Variants in EXD1 observed in about 807,000 individuals in gnomAD.
EXD1 encodes piRNA biogenesis protein EXD1.
A neutral mutation model predicts 49.1 loss-of-function variants in EXD1; 63 were observed. The observed-to-expected ratio is 1.28, with a 90% CI of 1.05 to 1.58. The LOEUF is 1.58. Among genes scored for constraint, EXD1 ranks in the 40% most tolerant of loss-of-function variants. EXD1 has a pLI of 0.00. For synonymous variants in EXD1, 234 were observed against 239.2 expected (o/e 0.98, Z 0.20); for missense variants, 748 against 666.0 (o/e 1.12, Z -1.36).
rs1303113351 is a variant in EXD1 at position 41,220,049 on chromosome 15, G to C, written c.134-151C>G. 2.7e-5 allele frequency among the ~76,000 whole-genome samples: 4 copies of C among 147,302 alleles called. No individual in the cohort carries two copies. In the East Asian group the frequency reaches 7.9e-4, roughly 29 times the overall value. The stretch of plus-strand genomic sequence containing the variant: ...TCCAAATCTTCCCCCAAGGAATGAA[G>C]AGTCAATAATAAATGACAAAGCTAC... On this transcript the variant is annotated intron_variant, in intron 2 of 11. Transcript: ENST00000458580.
At chr15:41,216,831 T>C (rs1442775873) in intron 4 of EXD1, 36 bp from the exon 5 acceptor site, 1 of 1,608,292 alleles carries the variant, frequency 6.2e-7, no homozygotes, top group Non-Finnish European at 8.5e-7. Flanking sequence ...GGTGAACTTG[T>C]TCTTTGTTGT....
chr15:41,230,575 C>T lies in EXD1; in HGVS notation c.-150G>A. On this transcript the variant is annotated 5_prime_UTR_variant, in exon 1 of 12. Transcript: ENST00000458580. ...CCTAATTTCAGCCAAGTGGTGCGTT[C>T]CTCGAACTTCAGTCTAGAACTAAAA... 6.2e-7 allele frequency: 1 copy of T among 1,612,526 alleles called. No individual in the cohort carries two copies.
intron 1 of EXD1, among the ~76,000 whole-genome samples, chr15:41,228,774 C>T (rs945091317): frequency 6.6e-6 from 1 of 152,100 alleles, no homozygotes; most frequent in Admixed American, 6.6e-5. Flanking sequence ...TCTTGGCTCA[C>T]TGCAACCTCT....
intron 7 of EXD1, among the ~76,000 whole-genome samples, chr15:41,206,185 C>T (rs1310456511): frequency 6.6e-6 from 1 of 151,814 alleles, no homozygotes; most frequent in South Asian, 2.1e-4. Flanking sequence ...ACAGGAAAAT[C>T]CGGGCCAGGG....
At chr15:41,210,233 G>A (rs974522495) in intron 6 of EXD1, among the ~76,000 whole-genome samples, 3 of 152,054 alleles carry the variant, frequency 2.0e-5, no homozygotes, top group Non-Finnish European at 2.9e-5. Context: ...TAATCTTTAA[G>A]ACAAGATTCC....
rs1566980824 is a variant in EXD1, at chr15:41,199,768, T to TATATATCAC, written c.535-3732_535-3731insGTGATATAT. ...TATATTATATATGATACATATATGATATATATGTCATATATTATATAATGT... is the reference window on the plus strand; with the variant it reads ...TATATTATATATGATACATATATGATATATATCACATATATGTCATATATTATATAATGT... On this transcript the variant is annotated intron_variant, in intron 7 of 11. Transcript: ENST00000458580. 1.1e-3 allele frequency among the ~76,000 whole-genome samples: 148 copies of TATATATCAC among 134,026 alleles called. 2 individuals carry two copies. The highest frequency in any genetic ancestry group is 3.9e-3 in the African/African-American group (136 of 35,076). 87.9% of individuals were successfully genotyped at this position (134,026 alleles called of 152,430 possible).
chr15:41,214,596 C>A (rs1260378693), intron 6 of EXD1, among the ~76,000 whole-genome samples: 4 of 152,076 alleles, frequency 2.6e-5, no homozygotes, highest in African/African-American at 7.2e-5. Context: ...GTCTAGAAAG[C>A]CCTAAGTGAA....
intron 7 of EXD1, among the ~76,000 whole-genome samples, chr15:41,196,960 G>T (rs1018334790): frequency 1.3e-5 from 2 of 151,876 alleles, no homozygotes; most frequent in Non-Finnish European, 1.5e-5. Context: ...CAAGTACCTG[G>T]ATTACAGGCA....
chr15:41,227,895 C>T (rs961164258), intron 1 of EXD1, among the ~76,000 whole-genome samples: 38 of 151,892 alleles, frequency 2.5e-4, no homozygotes, highest in African/African-American at 8.2e-4. Flanking sequence ...ACTAAAAACA[C>T]AAAAATTAGC....
intron 7 of EXD1, among the ~76,000 whole-genome samples, chr15:41,197,217 ATTTTCTT>A (rs1413222173): frequency 6.8e-6 from 1 of 147,628 alleles, no homozygotes; most frequent in East Asian, 2.0e-4. Flanking sequence ...AATCACTGTG[ATTTTCTT>A]TTTTCTTTTT....
chr15:41,186,894 CTT>C (rs374021562), intron 11 of EXD1, among the ~76,000 whole-genome samples: 4 of 127,068 alleles, frequency 3.1e-5, no homozygotes, highest in Admixed American at 8.1e-5. Flanking sequence ...TTTTTTTTTT[CTT>C]TTTTTTTTTT....
chr15:41,185,036 C>G (rs2046386899), intron 11 of EXD1, among the ~76,000 whole-genome samples: 1 of 152,088 alleles, frequency 6.6e-6, no homozygotes, highest in Non-Finnish European at 1.5e-5. Context: ...CCTCTGGTGT[C>G]TTCAATTATA....
At chr15:41,196,331 T>G (rs1435305714) in intron 7 of EXD1, among the ~76,000 whole-genome samples, 1 of 134,812 alleles carries the variant, frequency 7.4e-6, no homozygotes, top group Non-Finnish European at 1.6e-5. Flanking sequence ...TTTTTTTTTT[T>G]TTTGAGACAG....
At chr15:41,217,967 C>G (rs1363105280) in intron 3 of EXD1, among the ~76,000 whole-genome samples, 1 of 152,180 alleles carries the variant, frequency 6.6e-6, no homozygotes, top group Admixed American at 6.5e-5. Flanking sequence ...CATTATTATC[C>G]TTCATCTTGA....
At chr15:41,221,563 C>A (rs1566994341) in intron 2 of EXD1, among the ~76,000 whole-genome samples, 2 of 151,946 alleles carry the variant, frequency 1.3e-5, no homozygotes, top group East Asian at 1.9e-4. Context: ...GTGTGAGCCA[C>A]CCTGCCTGGC....
chr15:41,210,151 G>A (rs2046899540), intron 6 of EXD1, among the ~76,000 whole-genome samples: 1 of 152,158 alleles, frequency 6.6e-6, no homozygotes, highest in Admixed American at 6.6e-5. Context: ...CTGACCTCAA[G>A]TGATCTACCT....
intron 11 of EXD1, among the ~76,000 whole-genome samples, chr15:41,189,227 G>C (rs1473532839): frequency 6.6e-6 from 1 of 151,590 alleles, no homozygotes; most frequent in Non-Finnish European, 1.5e-5. Flanking sequence ...AATTAACAGG[G>C]CATGGTGGCA....
chr15:41,184,360 G>T lies in EXD1; in HGVS notation c.1290C>A (p.Asp430Glu), dbSNP rs763684227. The T allele has an allele frequency of 3.1e-6, 5 of 1,614,158 alleles. No homozygotes were observed. The East Asian group carries it at 1.1e-4, about 36-fold the overall frequency. Reference sequence around the variant, plus strand: ...TCAGTAAATTCACATCCCCGTGAAAGTCTTGAGATGTAAAACTTGGAGCTT... The same window carrying T: ...TCAGTAAATTCACATCCCCGTGAAATTCTTGAGATGTAAAACTTGGAGCTT... ...IDKAPSFTSQ[D>E]FHGDVNLLKE... is the part of the protein sequence containing the mutation. The change falls in exon 12 of 12, where the codon GAC becomes GAA. Residue 430 changes from aspartate to glutamate, a missense_variant. Coordinates refer to ENST00000458580, the MANE Select transcript of EXD1 (RefSeq NM_001286441.2).
rs558769342 is a variant in EXD1 at position 41,183,807 on chromosome 15, A to G, written c.*124T>C. 4.5e-6 allele frequency: 4 copies of G among 879,202 alleles called. No individual in the cohort carries two copies. The highest frequency in any genetic ancestry group is 6.1e-5 in the Admixed American group (2 of 32,800). The allele number at this position is 879,202 out of a possible 1,614,324, so 54.5% of individuals were successfully genotyped here. A position where few individuals can be genotyped will look rare whatever the true frequency, so the allele number is the denominator to read the frequency against. On this transcript the variant is annotated 3_prime_UTR_variant, in exon 12 of 12. Transcript: ENST00000458580. ...GGAACACAGGAGTAAGCAAGAGGAT[A>G]TAATTTTCCCCTGTGACTGAAGCAT...
Sources: gnomAD v4.1 joint callset for allele counts (sites outside exome capture counted in the v4.1 genomes callset) on GRCh38, gnomAD v4.1.1 for gene constraint, MANE v1.5 for transcripts, NCBI Gene and HGNC (gene_info 2026-07-23, HGNC 2026-07-21) for gene names.